The following SPTLC1 variants were observed in gnomAD, a reference collection of about 807,000 sequenced individuals.
The protein encoded by SPTLC1 is serine palmitoyltransferase long chain base subunit 1, also known as serine palmitoyltransferase 1.
In SPTLC1, 55 loss-of-function variants were observed where a neutral mutation model predicts 68.9. The ratio of observed to expected loss-of-function variants is 0.80; its 90% CI spans 0.64 to 1.00. The LOEUF (loss-of-function observed/expected upper bound fraction) is 1.00, where lower values mean the gene tolerates loss of function less well. SPTLC1 is among the 50% of genes least tolerant of loss of function. The probability of loss-of-function intolerance (pLI) is 0.00; values close to 1 mark genes in which losing one functional copy is unlikely to be tolerated. For synonymous variants in SPTLC1, 197 were observed against 201.6 expected (o/e 0.98, Z 0.19); for missense variants, 449 against 573.1 (o/e 0.78, Z 2.21).
At chr9:92,086,602 TGA>T (rs1409186719) in intron 3 of SPTLC1, among the ~76,000 whole-genome samples, 4 of 151,336 alleles carry the variant, frequency 2.6e-5, no homozygotes, top group Non-Finnish European at 5.9e-5. Context: ...GAGTTTCTGC[TGA>T]GAGATCAGCT....
intron 5 of SPTLC1, among the ~76,000 whole-genome samples, chr9:92,074,760 T>A (rs1834619977): frequency 6.6e-6 from 1 of 152,130 alleles, no homozygotes; most frequent in Non-Finnish European, 1.5e-5. Context: ...GACCTTCGTT[T>A]CATCAATCAG....
At chr9:92,036,654 T>C (rs968354446) in intron 13 of SPTLC1, among the ~76,000 whole-genome samples, 3 of 152,214 alleles carry the variant, frequency 2.0e-5, no homozygotes, top group Middle Eastern at 3.2e-3. Context: ...GGCAAGTCCA[T>C]TGAAAAAAAC....
chr9:92,104,474 T>C, intron 3 of SPTLC1: 1 of 1,411,186 alleles, frequency 7.1e-7, no homozygotes, highest in Non-Finnish European at 9.5e-7. Context: ...CAGAGGGTCC[T>C]GCCTCCTGTG....
intron 10 of SPTLC1, 82 bp from the exon 11 acceptor site, chr9:92,047,350 A>T: frequency 8.7e-7 from 1 of 1,144,992 alleles, no homozygotes; most frequent in South Asian, 1.3e-5. Flanking sequence ...TCTCTAGAAC[A>T]ACTACTGAAC....
In SPTLC1 at chr9:92,035,251, C is replaced by G. The variant is rs1440678955; in HGVS notation, c.1255-368G>C. Among the ~76,000 whole-genome samples, 3 of 152,210 alleles carry G rather than the reference C, an allele frequency of 2.0e-5. No individual in the cohort carries two copies. The East Asian group carries it at 5.8e-4, about 29-fold the overall frequency. Reference sequence around the variant, plus strand: ...CCATTTAGACAAAGCAGAGTTAGCACATGAGGAAGTGGTGCGAGCAAAGTC... The same window carrying G: ...CCATTTAGACAAAGCAGAGTTAGCAGATGAGGAAGTGGTGCGAGCAAAGTC... On this transcript the variant is annotated intron_variant, in intron 13 of 14. Transcript: ENST00000262554.
chr9:92,058,233 C>G (rs1264627856), intron 7 of SPTLC1, among the ~76,000 whole-genome samples: 1 of 151,398 alleles, frequency 6.6e-6, no homozygotes, highest in Non-Finnish European at 1.5e-5. Context: ...TGTGTATATT[C>G]ATGAAGTGAT....
At chr9:92,103,611 G>A (rs1042677137) in intron 3 of SPTLC1, among the ~76,000 whole-genome samples, 52 of 152,188 alleles carry the variant, frequency 3.4e-4, no homozygotes, top group African/African-American at 1.0e-3. Context: ...GGTAAGAGGC[G>A]CATCCAGTCA....
chr9:92,100,130 G>T (rs1027717836), intron 3 of SPTLC1, among the ~76,000 whole-genome samples: 6 of 151,540 alleles, frequency 4.0e-5, no homozygotes, highest in African/African-American at 1.5e-4. Flanking sequence ...AAAAAAAAAG[G>T]TAGGTCAGGT....
intron 2 of SPTLC1, 75 bp downstream of exon 2, chr9:92,112,380 C>T (rs1836279615): frequency 4.6e-6 from 5 of 1,096,602 alleles, no homozygotes; most frequent in Admixed American, 1.8e-5. Context: ...GTTGAGCCAC[C>T]ACAAATCCTT....
At chr9:92,068,790 C>T (rs761798163) in intron 5 of SPTLC1, among the ~76,000 whole-genome samples, 20 of 152,102 alleles carry the variant, frequency 1.3e-4, no homozygotes, top group Admixed American at 2.0e-4. Context: ...CAGCCTTTTA[C>T]CTCTCAGACT....
At position 92,034,662 on chromosome 9, in the gene SPTLC1, G is replaced by C. The variant is rs528977219; in HGVS notation, c.1328+148C>G. ...AAAATTTTAGAAACTTCTAGTTTAA[G>C]AGCAGAAGACAGGTAATGTACTATA... On this transcript the variant is annotated intron_variant, in intron 14 of 14. Transcript: ENST00000262554. The C allele has an allele frequency of 5.7e-6, 4 of 698,046 alleles. No individual in the cohort carries two copies. In the South Asian group the frequency reaches 6.8e-5, roughly 12 times the overall value. 43.2% of individuals were successfully genotyped at this position (698,046 alleles called of 1,614,324 possible).
chr9:92,041,921 G>T (rs868125111), intron 12 of SPTLC1, among the ~76,000 whole-genome samples: 1 of 152,064 alleles, frequency 6.6e-6, no homozygotes. Context: ...TTAAAAAAAG[G>T]CCTTCAAATT....
intron 6 of SPTLC1, 47 bp downstream of exon 6, chr9:92,067,919 T>C: frequency 6.3e-7 from 1 of 1,586,438 alleles, no homozygotes; most frequent in Non-Finnish European, 8.7e-7. Context: ...ACAGTCAGTA[T>C]TATTTCAAAG....
chr9:92,036,742 TA>T (rs775911436), intron 13 of SPTLC1, among the ~76,000 whole-genome samples: 1 of 152,404 alleles, frequency 6.6e-6, no homozygotes, highest in East Asian at 1.9e-4. Context: ...ATTTAATGTA[TA>T]AATGCGTTTT....
At chr9:92,034,115 C>A (rs1833062348) in intron 14 of SPTLC1, among the ~76,000 whole-genome samples, 1 of 152,216 alleles carries the variant, frequency 6.6e-6, no homozygotes, top group East Asian at 1.9e-4. Flanking sequence ...ACGATGCCCA[C>A]AGGATGCCCG....
In SPTLC1 at chr9:92,034,826, ACTTCT is replaced by A; in HGVS notation, c.1307_1311del (p.Glu436ValfsTer88). ...TCAACTGACCTGGGAGGAGGGAGAC[ACTTCT>A]CTTCTTTCTCCAAGTAGCGCGCCTG... On this transcript the variant is annotated frameshift_variant, in exon 14 of 15. Transcript: ENST00000262554. LOFTEE classifies it high-confidence loss of function. The A allele has an allele frequency of 6.2e-7, 1 of 1,614,156 alleles. No homozygotes were observed. Among genetic ancestry groups the A allele is most frequent in the Non-Finnish European group, 8.5e-7 (1 of 1,179,982 alleles).
chr9:92,096,152 C>CT (rs1835521366), intron 3 of SPTLC1, among the ~76,000 whole-genome samples: 1 of 152,164 alleles, frequency 6.6e-6, no homozygotes. Context: ...AAGTAATAGA[C>CT]TAGAGGACTC....
At chr9:92,078,647 G>C (rs777563103) in intron 5 of SPTLC1, among the ~76,000 whole-genome samples, 1 of 152,140 alleles carries the variant, frequency 6.6e-6, no homozygotes, top group Non-Finnish European at 1.5e-5. Context: ...TAAACACGGG[G>C]TCTCACTACA....
chr9:92,054,845 G>A (rs7046206), intron 8 of SPTLC1, among the ~76,000 whole-genome samples: 16,369 of 152,052 alleles, frequency 0.11, 1,902 homozygotes, highest in African/African-American at 0.3. Context: ...CCTCGGGGAG[G>A]AGGTTGCAGT....
Sources: gnomAD v4.1 joint callset for allele counts (sites outside exome capture counted in the v4.1 genomes callset) on GRCh38, gnomAD v4.1.1 for gene constraint, MANE v1.5 for transcripts, NCBI Gene and HGNC (gene_info 2026-07-23, HGNC 2026-07-21) for gene names.